PLEKHG4B: variants seen among roughly 807,000 people sequenced by gnomAD.
PLEKHG4B encodes the protein pleckstrin homology and RhoGEF domain containing G4B.
Under a neutral mutation model 121.3 loss-of-function variants are expected in PLEKHG4B, and 111 were observed. The observed-to-expected ratio is 0.92, with a 90% CI of 0.78 to 1.07. PLEKHG4B has a LOEUF of 1.07. Among genes scored for constraint, PLEKHG4B ranks in the 50% least tolerant of loss-of-function variants. The pLI is 0.00. For missense variants in PLEKHG4B, 1,831 were observed against 1,757.8 expected (o/e 1.04, Z -0.74); for synonymous variants, 738 against 725.0 (o/e 1.02, Z -0.29).
chr5:165,030 C>T lies in PLEKHG4B; in HGVS notation c.3476+1482C>T, dbSNP rs559658728. Among the ~76,000 whole-genome samples the T allele has an allele frequency of 6.7e-5, 5 of 74,934 alleles. 1 individual carries two copies. The highest frequency in any genetic ancestry group is 1.6e-4 in the African/African-American group (3 of 18,676). 49.2% of individuals were successfully genotyped at this position (74,934 alleles called of 152,430 possible). On this transcript the variant is annotated intron_variant, in intron 13 of 19. Transcript: ENST00000637938. ...GGCTCACAGTAATGCTCTGACAGGG[C>T]GGAGCTCACACTAATGCTCTGACGG...
At chr5:179,012 T>C (rs1179393055) in intron 18 of PLEKHG4B, among the ~76,000 whole-genome samples, 1 of 152,266 alleles carries the variant, frequency 6.6e-6, no homozygotes, top group African/African-American at 2.4e-5. Context: ...TCAAATATTT[T>C]TGATCCTTGG....
chr5:168,810 G>A (rs876950), intron 13 of PLEKHG4B, among the ~76,000 whole-genome samples: 83,037 of 151,374 alleles, frequency 0.55, 23,168 homozygotes, highest in Non-Finnish European at 0.6. Context: ...AGAATGAGTG[G>A]AGGTGCAGGT....
At chr5:99,864 A>G (rs1308922677) in intron 1 of PLEKHG4B, among the ~76,000 whole-genome samples, 1 of 152,090 alleles carries the variant, frequency 6.6e-6, no homozygotes, top group Non-Finnish European at 1.5e-5. Context: ...TGTGTTTTTC[A>G]TAAATACCTT....
Position 162,740 on chromosome 5 carries a change from C to G in PLEKHG4B, c.2668C>G (p.Pro890Ala). The part of the protein sequence containing the change: ...LCETVSSWMG[P>A]LDPEACPSSP... Reference sequence around the variant, plus strand: ...CCCACAGGTGAGCAGCTGGATGGGGCCCCTGGACCCGGAGGCTTGTCCCTC... The same window carrying G: ...CCCACAGGTGAGCAGCTGGATGGGGGCCCTGGACCCGGAGGCTTGTCCCTC... Residue 890 changes from proline to alanine, a missense_variant, in exon 13 of 20, where the codon CCC becomes GCC. By Grantham distance (27) the Pro-to-Ala change is conservative. Transcript: ENST00000637938. 4 of 1,457,416 alleles carry G rather than the reference C, an allele frequency of 2.7e-6. No homozygotes were observed. The highest frequency in any genetic ancestry group is 3.6e-6 in the Non-Finnish European group (4 of 1,103,578). The allele number at this position is 1,457,416 out of a possible 1,614,324, so 90.3% of individuals were successfully genotyped here.
intron 16 of PLEKHG4B, 58 bp from the exon 17 acceptor site, chr5:172,839 G>C: frequency 1.3e-6 from 2 of 1,585,272 alleles, no homozygotes; most frequent in Non-Finnish European, 1.7e-6. Context: ...ACAGTGACCT[G>C]TGCCACCACA....
rs373754392 is a variant in PLEKHG4B at position 189,263 on chromosome 5, A to C, written c.*6940A>C. 1 of 152,366 alleles carries C rather than the reference A, an allele frequency of 6.6e-6. No homozygotes were observed. Among genetic ancestry groups the C allele is most frequent in the South Asian group, 2.1e-4 (1 of 4,836 alleles). The allele number at this position is 152,366 out of a possible 1,614,324, so 9.4% of individuals were successfully genotyped here. On this transcript the variant is annotated 3_prime_UTR_variant, in exon 20 of 20. Transcript: ENST00000637938. ...GGAACCCTCCTGCCCTCCAAAGGTC[A>C]TGGGGTGACCCAGGGTGGGAACACC...
chr5:122,309 G>A (rs1734491303), intron 2 of PLEKHG4B, among the ~76,000 whole-genome samples: 1 of 152,154 alleles, frequency 6.6e-6, no homozygotes, highest in South Asian at 2.1e-4. Flanking sequence ...TATTTTAAAT[G>A]TAAACCAAAC....
rs34972342 is a variant in PLEKHG4B at position 109,397 on chromosome 5, C to CAA, written c.46-3831_46-3830dup. Among the ~76,000 whole-genome samples, 464 of 61,764 alleles carry CAA rather than the reference C, an allele frequency of 7.5e-3. 17 individuals are homozygous for CAA. The highest frequency in any genetic ancestry group is 0.032 in the African/African-American group (417 of 12,978). 40.5% of individuals were successfully genotyped at this position (61,764 alleles called of 152,430 possible). A position where few individuals can be genotyped will look rare whatever the true frequency, so the allele number is the denominator to read the frequency against. On this transcript the variant is annotated intron_variant, in intron 1 of 19. Transcript: ENST00000637938. Reference sequence around the variant, plus strand: ...GGGTGACAGGGCAAGACTCTGTCTCCAAAAAAAAAAAAAAAAAAAAAAAAT... The same window carrying CAA: ...GGGTGACAGGGCAAGACTCTGTCTCCAAAAAAAAAAAAAAAAAAAAAAAAAAT...
rs1735282503 is a variant in PLEKHG4B at position 143,143 on chromosome 5, AC to A, written c.1578del (p.Glu527SerfsTer66). On this transcript the variant is annotated frameshift_variant, in exon 4 of 20. Transcript: ENST00000637938. LOFTEE classifies it high-confidence loss of function. Reference sequence around the variant, plus strand: ...TCCGATGTGCCTGCCCGGCAGCCACACCCCGAGCAAGAAGGGTGGCCACCCG... The same window carrying A: ...TCCGATGTGCCTGCCCGGCAGCCACACCCGAGCAAGAAGGGTGGCCACCCG... ...GPSDVPARQP[H>X]PEQEGWPPGT... The A allele has an allele frequency of 8.1e-6, 13 of 1,612,512 alleles. No individual in the cohort carries two copies. Among genetic ancestry groups the A allele is most frequent in the Non-Finnish European group, 1.1e-5 (13 of 1,179,988 alleles).
At chr5:150,060 A>C (rs2126416920) in intron 6 of PLEKHG4B, among the ~76,000 whole-genome samples, 1 of 152,376 alleles carries the variant, frequency 6.6e-6, no homozygotes, top group East Asian at 1.9e-4. Flanking sequence ...AGATTTATAC[A>C]GCTGTGTTCA....
chr5:172,126 C>T (rs1330745361), intron 16 of PLEKHG4B, among the ~76,000 whole-genome samples: 1 of 152,078 alleles, frequency 6.6e-6, no homozygotes, highest in African/African-American at 2.4e-5. Context: ...CTGGAAAAGG[C>T]AGGCCCATCT....
intron 1 of PLEKHG4B, among the ~76,000 whole-genome samples, chr5:102,343 G>A (rs144107043): frequency 1.4e-4 from 21 of 151,628 alleles, no homozygotes; most frequent in African/African-American, 5.1e-4. Flanking sequence ...ACTATATTTT[G>A]TAAATGGAAG....
intron 2 of PLEKHG4B, among the ~76,000 whole-genome samples, chr5:130,541 G>C (rs977697047): frequency 4.9e-4 from 75 of 152,174 alleles, no homozygotes; most frequent in African/African-American, 1.7e-3. Context: ...ATATGCCTTT[G>C]TTATGATCAA....
intron 1 of PLEKHG4B, among the ~76,000 whole-genome samples, chr5:108,471 GGGTGCAGATGGCTGGTGTAGACAGAC>G (rs1290710211): frequency 5.3e-5 from 8 of 152,278 alleles, no homozygotes; most frequent in Non-Finnish European, 8.8e-5. Context: ...TAGACAGACT[GGGTGCAGATGGCTGGTGTAGACAGAC>G]GGTGCAGATG....
chr5:152,946 A>G (rs1441510944), intron 7 of PLEKHG4B, among the ~76,000 whole-genome samples: 3 of 152,178 alleles, frequency 2.0e-5, no homozygotes, highest in Admixed American at 2.0e-4. Flanking sequence ...GCCTTCTGCC[A>G]TGATTGTAAG....
intron 12 of PLEKHG4B, 35 bp from the exon 13 acceptor site, chr5:162,687 C>T: frequency 7.2e-7 from 1 of 1,383,574 alleles, no homozygotes; most frequent in Non-Finnish European, 9.4e-7. Flanking sequence ...AGCCCCTCCT[C>T]CACTGCACTG....
intron 2 of PLEKHG4B, among the ~76,000 whole-genome samples, chr5:133,019 G>A (rs889614714): frequency 1.1e-4 from 16 of 152,150 alleles, no homozygotes; most frequent in Non-Finnish European, 1.2e-4. Flanking sequence ...CTACCCATTC[G>A]TGAACATGGG....
intron 2 of PLEKHG4B, among the ~76,000 whole-genome samples, chr5:133,319 GACCATATCATCA>G (rs1406825158): frequency 6.6e-6 from 1 of 152,008 alleles, no homozygotes; most frequent in African/African-American, 2.4e-5. Context: ...CTAGGTATAT[GACCATATCATCA>G]ACCAAAAACG....
intron 3 of PLEKHG4B, among the ~76,000 whole-genome samples, chr5:141,816 C>G (rs1735215479): frequency 6.7e-6 from 1 of 149,240 alleles, no homozygotes; most frequent in African/African-American, 2.5e-5. Context: ...TAGGCTCCAG[C>G]AAGTAGGGCC....
Sources: gnomAD v4.1 joint callset for allele counts (sites outside exome capture counted in the v4.1 genomes callset) on GRCh38, gnomAD v4.1.1 for gene constraint, MANE v1.5 for transcripts, NCBI Gene and HGNC (gene_info 2026-07-23, HGNC 2026-07-21) for gene names.